Variants in PCDHGA7 observed in about 807,000 individuals in gnomAD.
The protein encoded by PCDHGA7 is protocadherin gamma subfamily A, 7.
PCDHGA7 carries 44 observed loss-of-function variants against 58.3 expected under a neutral mutation model. The observed-to-expected ratio is 0.75, with a 90% confidence interval of 0.59 to 0.97. PCDHGA7 has a LOEUF of 0.97. Among genes scored for constraint, PCDHGA7 ranks in the 50% least tolerant of loss-of-function variants. PCDHGA7 has a pLI of 0.00. For synonymous variants in PCDHGA7, 516 were observed against 504.2 expected (o/e 1.02, Z -0.31); for missense variants, 1,266 against 1,188.7 (o/e 1.06, Z -0.96).
intron 1 of PCDHGA7, chr5:141,393,457 C>T (rs780177231): frequency 1.9e-6 from 3 of 1,614,050 alleles, no homozygotes; most frequent in East Asian, 2.2e-5. Flanking sequence ...CTCACGGCCT[C>T]GGATGGCGGC....
rs111842066 is a variant in PCDHGA7, at chr5:141,486,269, G to A, written c.2425-8538G>A. 6.2e-7 allele frequency: 1 copy of A among 1,613,996 alleles called. No homozygotes were observed. Reference sequence around the variant, plus strand: ...AACCCTCCCCGAGAGTGCAGAACCTGGCACTGTGGTGGCACTTATCAGTGT... The same window carrying A: ...AACCCTCCCCGAGAGTGCAGAACCTAGCACTGTGGTGGCACTTATCAGTGT... On this transcript the variant is annotated intron_variant, in intron 1 of 3. Transcript: ENST00000518325. This position sits in a 1 kb window ranked among gnomAD's most constrained non-coding sequence, Gnocchi z 5.0.
intron 1 of PCDHGA7, chr5:141,441,038 G>T (rs1263659082): frequency 1.3e-5 from 2 of 152,156 alleles, no homozygotes; most frequent in Non-Finnish European, 2.9e-5. Flanking sequence ...AAAACTTTAA[G>T]TACATTGGAC....
At chr5:141,454,331 T>G (rs1244660733) in intron 1 of PCDHGA7, among the ~76,000 whole-genome samples, 1 of 152,180 alleles carries the variant, frequency 6.6e-6, no homozygotes, top group Non-Finnish European at 1.5e-5. Context: ...CAAGAATAAA[T>G]AAAATGTTGG....
chr5:141,395,084 C>A (rs757269551), intron 1 of PCDHGA7: 1 of 1,614,190 alleles, frequency 6.2e-7, no homozygotes, highest in South Asian at 1.1e-5. Flanking sequence ...CCCAGGAAGT[C>A]TCCCTCACCG....
At position 141,422,880 on chromosome 5, in the gene PCDHGA7, G is replaced by C. The variant is rs970045921; in HGVS notation, c.2424+37557G>C. The C allele has an allele frequency of 7.4e-6, 12 of 1,614,140 alleles. No individual in the cohort carries two copies. In the Admixed American group the frequency reaches 2.0e-4, roughly 27 times the overall value. ...TCAGCAGCAACGTGTCGCTGAGCCT[G>C]TTCGTGCTGGACCAGAACGACAATG... On this transcript the variant is annotated intron_variant, in intron 1 of 3. Coordinates refer to ENST00000518325, the MANE Select transcript of PCDHGA7 (RefSeq NM_018920.4).
chr5:141,390,000 A>G, intron 1 of PCDHGA7: 2 of 1,613,856 alleles, frequency 1.2e-6, no homozygotes, highest in Non-Finnish European at 1.7e-6. Flanking sequence ...CGTGGCCATG[A>G]TTCTGGCCAT....
intron 1 of PCDHGA7, chr5:141,392,821 C>G: frequency 6.3e-7 from 1 of 1,594,632 alleles, no homozygotes; most frequent in Non-Finnish European, 8.5e-7. Context: ...ACAATGGCCG[C>G]TCCACAGAGT....
rs144317211 is a variant in PCDHGA7 at position 141,432,088 on chromosome 5, A to G, written c.2424+46765A>G. On this transcript the variant is annotated intron_variant, in intron 1 of 3. Transcript: ENST00000518325. This position sits in a 1 kb window ranked among gnomAD's most constrained non-coding sequence, Gnocchi z 6.0. Reference sequence around the variant, plus strand: ...AAACTCATATCTCGCTGAACGTGGCAGACACCAACGACAACCCGCCGGTCT... The same window carrying G: ...AAACTCATATCTCGCTGAACGTGGCGGACACCAACGACAACCCGCCGGTCT... The G allele has an allele frequency of 6.2e-7, 1 of 1,614,148 alleles. No individual in the cohort carries two copies. Among genetic ancestry groups the G allele is most frequent in the South Asian group, 1.1e-5 (1 of 91,074 alleles).
chr5:141,399,162 C>T (rs1174255078), intron 1 of PCDHGA7: 1 of 1,613,664 alleles, frequency 6.2e-7, no homozygotes, highest in South Asian at 1.1e-5. Context: ...AAGTTACATT[C>T]CATTCTCTAC....
chr5:141,451,676 G>C (rs1363843426), intron 1 of PCDHGA7, among the ~76,000 whole-genome samples: 1 of 152,142 alleles, frequency 6.6e-6, no homozygotes, highest in African/African-American at 2.4e-5. Context: ...GAGCCCAGGA[G>C]TTCAAGACCA....
intron 1 of PCDHGA7, chr5:141,390,525 G>C: frequency 1.8e-6 from 1 of 552,024 alleles, no homozygotes; most frequent in Non-Finnish European, 3.2e-6. Context: ...CAATGAGGGT[G>C]TGGTTTTAAC....
Position 141,494,830 on chromosome 5 carries a change from G to C in PCDHGA7, c.2448G>C (p.Trp816Cys), listed in dbSNP as rs2099757104. Residue 816 changes from tryptophan (W) to cysteine (C), a missense_variant, in exon 2 of 4, where the codon TGG (tryptophan) becomes TGC (cysteine). Coordinates refer to ENST00000518325, the MANE Select transcript of PCDHGA7 (RefSeq NM_018920.4). ...AGCAAGCCCCGCCCAACACGGACTG[G>C]CGTTTCTCTCAGGCCCAGAGACCCG... The part of the protein sequence containing the change: ...SIQQAPPNTD[W>C]RFSQAQRPGT... 6.2e-7 allele frequency: 1 copy of C among 1,614,098 alleles called. No homozygotes were observed. The highest frequency in any genetic ancestry group is 2.2e-5 in the East Asian group (1 of 44,862).
intron 1 of PCDHGA7, chr5:141,414,677 A>AG: frequency 1.9e-6 from 3 of 1,613,794 alleles, no homozygotes; most frequent in South Asian, 2.2e-5. Flanking sequence ...GACACCATCC[A>AG]GGGGGTACCT....
intron 1 of PCDHGA7, chr5:141,390,867 C>CGT (rs61319619): frequency 0.024 from 3,656 of 151,102 alleles, 86 homozygotes; most frequent in African/African-American, 0.056. Flanking sequence ...GCTGTGTGTG[C>CGT]GTGTGTGTGT....
Position 141,486,915 on chromosome 5 carries a change from C to G in PCDHGA7, c.2425-7892C>G. The G allele has an allele frequency of 6.2e-7, 1 of 1,614,244 alleles. No individual in the cohort carries two copies. The highest frequency in any genetic ancestry group is 8.5e-7 in the Non-Finnish European group (1 of 1,180,046). ...GGTTCCTTATGTCCCCAAGCACTGCCTCCATCAGTTGGTGCTGGCCACCTA... is the reference window on the plus strand; with the variant it reads ...GGTTCCTTATGTCCCCAAGCACTGCGTCCATCAGTTGGTGCTGGCCACCTA... On this transcript the variant is annotated intron_variant, in intron 1 of 3. Transcript: ENST00000518325. This position sits in a 1 kb window ranked among gnomAD's most constrained non-coding sequence, Gnocchi z 5.0.
Position 141,485,987 on chromosome 5 carries a change from G to T in PCDHGA7, c.2425-8820G>T. 1 of 1,614,170 alleles carries T rather than the reference G, an allele frequency of 6.2e-7. No homozygotes were observed. On this transcript the variant is annotated intron_variant, in intron 1 of 3. Transcript: ENST00000518325. The surrounding 1 kb of genome is among the most constrained non-coding windows in gnomAD (Gnocchi z 5.7). ...GCTCAATGCCTCAGACCCGGACCTG[G>T]GTCCCAGTGGTAACGTCACCTTTTA...
chr5:141,427,504 C>A (rs755936092), intron 1 of PCDHGA7: 8 of 579,302 alleles, frequency 1.4e-5, no homozygotes, highest in Middle Eastern at 2.7e-4. Context: ...ACAGATGGGA[C>A]CCTGGATTGG....
At chr5:141,470,694 A>T (rs763715272) in intron 1 of PCDHGA7, among the ~76,000 whole-genome samples, 1 of 151,978 alleles carries the variant, frequency 6.6e-6, no homozygotes, top group African/African-American at 2.4e-5. Flanking sequence ...GAAATTCTTA[A>T]TAATTTTTAT....
At position 141,413,426 on chromosome 5, in the gene PCDHGA7, G is replaced by T. The variant is rs138985917; in HGVS notation, c.2424+28103G>T. On this transcript the variant is annotated intron_variant, in intron 1 of 3. Transcript: ENST00000518325. Reference sequence around the variant, plus strand: ...ACGCAGCTTTTCTCTCTGAACCCGCGCAGCGGCAGCTTGATCACCGCGGGC... The same window carrying T: ...ACGCAGCTTTTCTCTCTGAACCCGCTCAGCGGCAGCTTGATCACCGCGGGC... 776 of 1,614,090 alleles carry T rather than the reference G, an allele frequency of 4.8e-4. 5 individuals carry two copies. The African/African-American group carries it at 9.2e-3, about 19-fold the overall frequency.
Sources: gnomAD v4.1 joint callset for allele counts (sites outside exome capture counted in the v4.1 genomes callset) on GRCh38, gnomAD v4.1.1 for gene constraint, Gnocchi (gnomAD v3.1) non-coding constraint, MANE v1.5 for transcripts, NCBI Gene and HGNC (gene_info 2026-07-23, HGNC 2026-07-21) for gene names.